Variants in GRM7 observed in about 807,000 individuals in gnomAD.
GRM7 encodes the protein glutamate metabotropic receptor 7.
GRM7 carries 35 observed loss-of-function variants against 84.5 expected under a neutral mutation model. The observed-to-expected ratio is 0.41, with a 90% CI of 0.32 to 0.55. GRM7 has a LOEUF of 0.55. GRM7 is among the 20% of genes least tolerant of loss of function. GRM7 has a pLI of 0.19. For synonymous variants in GRM7, 487 were observed against 455.1 expected (o/e 1.07, Z -0.89); for missense variants, 1,003 against 1,194.6 (o/e 0.84, Z 2.36).
At chr3:7,448,769 G>A (rs1286201620) in intron 5 of GRM7, among the ~76,000 whole-genome samples, 1 of 151,984 alleles carries the variant, frequency 6.6e-6, no homozygotes, top group Non-Finnish European at 1.5e-5. Context: ...GAGGGATAAA[G>A]CCTGCAATGT....
intron 8 of GRM7, among the ~76,000 whole-genome samples, chr3:7,597,144 TG>T (rs1425572981): frequency 6.6e-6 from 1 of 152,144 alleles, no homozygotes; most frequent in Non-Finnish European, 1.5e-5. Flanking sequence ...CATTTGCTTC[TG>T]GGGAGGTCTC....
chr3:7,010,499 A>T (rs1283566560), intron 1 of GRM7, among the ~76,000 whole-genome samples: 1 of 152,196 alleles, frequency 6.6e-6, no homozygotes, highest in East Asian at 1.9e-4. Context: ...AAACTGATCT[A>T]ATAGGATTCT....
chr3:7,104,784 G>C (rs1258065381), intron 1 of GRM7, among the ~76,000 whole-genome samples: 1 of 151,736 alleles, frequency 6.6e-6, no homozygotes, highest in African/African-American at 2.4e-5. Context: ...GTTTTACAGA[G>C]AAAACTTCTC....
chr3:7,279,441 C>G (rs906233506), intron 2 of GRM7, among the ~76,000 whole-genome samples: 1 of 152,056 alleles, frequency 6.6e-6, no homozygotes, highest in African/African-American at 2.4e-5. Context: ...GACATTTGAC[C>G]AAACCATATG....
intron 2 of GRM7, among the ~76,000 whole-genome samples, chr3:7,174,438 A>T (rs1695079896): frequency 6.6e-6 from 1 of 152,240 alleles, no homozygotes; most frequent in African/African-American, 2.4e-5. Context: ...GCTAGGTTTC[A>T]ATCCCAGCTC....
At chr3:6,971,173 C>CAA (rs3063446) in intron 1 of GRM7, among the ~76,000 whole-genome samples, 2,236 of 134,406 alleles carry the variant, frequency 0.017, 64 homozygotes, top group African/African-American at 0.056. Flanking sequence ...GATGATTCCA[C>CAA]AAAAAAAAAA....
chr3:7,703,275 A>G (rs935996997), intron 9 of GRM7, among the ~76,000 whole-genome samples: 1 of 152,138 alleles, frequency 6.6e-6, no homozygotes, highest in East Asian at 1.9e-4. Flanking sequence ...GACCTGCTGA[A>G]TCAGAAACTC....
At chr3:7,709,317 T>A (rs994342600) in intron 9 of GRM7, among the ~76,000 whole-genome samples, 2 of 152,230 alleles carry the variant, frequency 1.3e-5, no homozygotes, top group Non-Finnish European at 2.9e-5. Context: ...TTACAAACTT[T>A]GATAGAAAAA....
chr3:7,233,259 C>T (rs1233011857), intron 2 of GRM7, among the ~76,000 whole-genome samples: 1 of 152,110 alleles, frequency 6.6e-6, no homozygotes, highest in Non-Finnish European at 1.5e-5. Context: ...CTTATTGCAG[C>T]TTTCCAAGAT....
At chr3:6,986,864 G>A (rs1694431054) in intron 1 of GRM7, among the ~76,000 whole-genome samples, 2 of 152,176 alleles carry the variant, frequency 1.3e-5, no homozygotes, top group South Asian at 2.1e-4. Context: ...TTGGAGGGAT[G>A]AATCTGGTCA....
chr3:7,247,823 A>G (rs1487201783), intron 2 of GRM7, among the ~76,000 whole-genome samples: 1 of 152,112 alleles, frequency 6.6e-6, no homozygotes, highest in Non-Finnish European at 1.5e-5. Context: ...TGAACACTTC[A>G]CAACAGAAAA....
At chr3:7,059,490 T>C (rs1231503774) in intron 1 of GRM7, among the ~76,000 whole-genome samples, 1 of 151,848 alleles carries the variant, frequency 6.6e-6, no homozygotes, top group Non-Finnish European at 1.5e-5. Context: ...TTCACTCATA[T>C]TTGTTCTTTG....
At chr3:7,000,431 C>T (rs1343013805) in intron 1 of GRM7, among the ~76,000 whole-genome samples, 3 of 152,124 alleles carry the variant, frequency 2.0e-5, no homozygotes, top group African/African-American at 7.2e-5. Flanking sequence ...AGGTGATCCA[C>T]CTGCCTTGAC....
At chr3:7,596,214 G>A (rs1045119222) in intron 8 of GRM7, among the ~76,000 whole-genome samples, 4 of 152,122 alleles carry the variant, frequency 2.6e-5, no homozygotes, top group African/African-American at 9.7e-5. Flanking sequence ...CGTGTTGTGC[G>A]GACAGCTGTG....
chr3:7,393,751 G>A (rs1364023557), intron 4 of GRM7, among the ~76,000 whole-genome samples: 1 of 152,128 alleles, frequency 6.6e-6, no homozygotes, highest in Admixed American at 6.5e-5. Flanking sequence ...AGACTCTTAT[G>A]TGTCTCTTAT....
chr3:6,911,910 T>G (rs1696784118), intron 1 of GRM7, among the ~76,000 whole-genome samples: 2 of 152,168 alleles, frequency 1.3e-5, no homozygotes, highest in African/African-American at 2.4e-5. Context: ...TCAAAATGAT[T>G]TGCATCGTGT....
intron 8 of GRM7, among the ~76,000 whole-genome samples, chr3:7,666,613 G>T (rs1368710203): frequency 1.3e-5 from 2 of 152,082 alleles, no homozygotes; most frequent in African/African-American, 4.8e-5. Context: ...CGGCCAAAAC[G>T]TTAGAACTTA....
intron 1 of GRM7, among the ~76,000 whole-genome samples, chr3:7,081,991 T>A (rs1698289489): frequency 6.6e-6 from 1 of 152,034 alleles, no homozygotes; most frequent in Non-Finnish European, 1.5e-5. Context: ...AAAAATGCAT[T>A]GCCATCACAT....
At chr3:7,285,783 G>C (rs944087381) in intron 2 of GRM7, among the ~76,000 whole-genome samples, 1 of 151,978 alleles carries the variant, frequency 6.6e-6, no homozygotes, top group South Asian at 2.1e-4. Context: ...AAGGTTCTTG[G>C]TTCTTTATGC....
Sources: gnomAD v4.1 joint callset for allele counts (sites outside exome capture counted in the v4.1 genomes callset) on GRCh38, gnomAD v4.1.1 for gene constraint, MANE v1.5 for transcripts, NCBI Gene and HGNC (gene_info 2026-07-23, HGNC 2026-07-21) for gene names.